A4GALT: variants seen among roughly 807,000 people sequenced by gnomAD.
A4GALT encodes lactosylceramide 4-alpha-galactosyltransferase.
For missense variants in A4GALT, 512 were observed against 486.0 expected, an observed-to-expected ratio of 1.05 and a Z score of -0.50; for synonymous variants, 257 against 220.7, an observed-to-expected ratio of 1.16 and a Z score of -1.46.
rs116846269 is a variant in A4GALT, at chr22:42,702,786, C to T, written c.-187-7155G>A. Among the ~76,000 whole-genome samples the T allele has an allele frequency of 5.1e-4, 73 of 143,522 alleles. No homozygotes were observed. In the East Asian group the frequency reaches 0.012, roughly 24 times the overall value. 94.2% of individuals were successfully genotyped at this position (143,522 alleles called of 152,430 possible). On this transcript the variant is annotated intron_variant, in intron 1 of 2. Transcript: ENST00000642412. Reference sequence around the variant, plus strand: ...CGTGCAGATAAGGTGGAACGCCCACCGGGTTCCTTCACTTGCCGAGGACGC... The same window carrying T: ...CGTGCAGATAAGGTGGAACGCCCACTGGGTTCCTTCACTTGCCGAGGACGC...
rs910752188 is a variant in A4GALT at position 42,720,837 on chromosome 22, C to CGGCG, written c.-232_-229dup. 170 of 97,792 alleles carry CGGCG rather than the reference C, an allele frequency of 1.7e-3. 3 individuals carry two copies. In the South Asian group the frequency reaches 0.034, roughly 19 times the overall value. 6.1% of individuals were successfully genotyped at this position (97,792 alleles called of 1,614,324 possible). On this transcript the variant is annotated 5_prime_UTR_variant, in exon 1 of 3. Coordinates refer to ENST00000642412, the MANE Select transcript of A4GALT (RefSeq NM_017436.7). ...CGGCGGGCGGCGGACAGCGGGGCCC[C>CGGCG]GGCGGGCGGGCGGCGCGGCGGCCGG...
At chr22:42,698,988 A>G (rs1931123436) in intron 1 of A4GALT, among the ~76,000 whole-genome samples, 2 of 152,198 alleles carry the variant, frequency 1.3e-5, no homozygotes, top group Admixed American at 6.5e-5. Context: ...AGGCATGAAT[A>G]ATCCACCCCT....
At chr22:42,701,063 C>A (rs145785009) in intron 1 of A4GALT, among the ~76,000 whole-genome samples, 1 of 152,184 alleles carries the variant, frequency 6.6e-6, no homozygotes, top group Non-Finnish European at 1.5e-5. Flanking sequence ...GGAGCCAAAT[C>A]GGGTCCCCTC....
Position 42,693,429 on chromosome 22 carries a change from A to C in A4GALT, c.523T>G (p.Ser175Ala). 2 of 1,613,322 alleles carry C rather than the reference A, an allele frequency of 1.2e-6. No homozygotes were observed. Among genetic ancestry groups the C allele is most frequent in the Non-Finnish European group, 1.7e-6 (2 of 1,179,986 alleles). Residue 175 changes from serine to alanine, a missense_variant, in exon 3 of 3, where the codon TCC (serine) becomes GCC (alanine). Physicochemically the swap from Ser to Ala is moderately conservative, Grantham distance 99 (BLOSUM62 1). Coordinates refer to ENST00000642412, the MANE Select transcript of A4GALT (RefSeq NM_017436.7). ...RWEPYLLPVL[S>A]DASRIALMWK... ...ATGAGTGCGATCCTGGAGGCGTCGGAGAGCACGGGCAGCAGGTAGGGCTCC... is the reference window on the plus strand; with the variant it reads ...ATGAGTGCGATCCTGGAGGCGTCGGCGAGCACGGGCAGCAGGTAGGGCTCC...
At chr22:42,711,992 G>T (rs964201734) in intron 1 of A4GALT, among the ~76,000 whole-genome samples, 3 of 152,142 alleles carry the variant, frequency 2.0e-5, no homozygotes, top group Non-Finnish European at 4.4e-5. Context: ...GATCAAATGT[G>T]ATAACTAATC....
At chr22:42,697,955 G>C (rs548830658) in intron 1 of A4GALT, among the ~76,000 whole-genome samples, 2 of 152,144 alleles carry the variant, frequency 1.3e-5, no homozygotes, top group Non-Finnish European at 2.9e-5. Context: ...GGAGAGAGGA[G>C]AGGTGCAGGG....
chr22:42,714,355 A>G (rs1349943927), intron 1 of A4GALT, among the ~76,000 whole-genome samples: 1 of 149,214 alleles, frequency 6.7e-6, no homozygotes, highest in Non-Finnish European at 1.5e-5. Context: ...TGGAAGGCCA[A>G]GGCGGGAGCA....
intron 1 of A4GALT, among the ~76,000 whole-genome samples, chr22:42,717,035 C>CGGGCACAGGGGAAGGTGTGT (rs1327723089): frequency 6.6e-6 from 1 of 152,022 alleles, no homozygotes. Flanking sequence ...GGTGACAGTG[C>CGGGCACAGGGGAAGGTGTGT]GGGCACAGGG....
intron 1 of A4GALT, among the ~76,000 whole-genome samples, chr22:42,706,400 G>A (rs1054240807): frequency 1.3e-5 from 2 of 148,344 alleles, no homozygotes; most frequent in Non-Finnish European, 3.0e-5. Flanking sequence ...AATCTTGAAG[G>A]AGAAAAAGAT....
intron 1 of A4GALT, among the ~76,000 whole-genome samples, chr22:42,709,677 C>G (rs1921506381): frequency 6.6e-6 from 1 of 151,994 alleles, no homozygotes; most frequent in South Asian, 2.1e-4. Context: ...GTAATCCCAG[C>G]TACTTAGGAG....
rs560516574 is a variant in A4GALT, at chr22:42,700,634, G to A, written c.-187-5003C>T. On this transcript the variant is annotated intron_variant, in intron 1 of 2. Transcript: ENST00000642412. Reference sequence around the variant, plus strand: ...GACCCCTGAGGTGTAAGACACCAGCGCCAGGGTCACACGGGTGCTCCCACT... The same window carrying A: ...GACCCCTGAGGTGTAAGACACCAGCACCAGGGTCACACGGGTGCTCCCACT... Among the ~76,000 whole-genome samples the A allele has an allele frequency of 1.3e-3, 197 of 152,290 alleles. 1 individual carries two copies. Among genetic ancestry groups the A allele is most frequent in the Middle Eastern group, 3.4e-3 (1 of 294 alleles).
chr22:42,713,827 A>AG (rs1264833892), intron 1 of A4GALT, among the ~76,000 whole-genome samples: 1 of 120,938 alleles, frequency 8.3e-6, no homozygotes, highest in African/African-American at 2.6e-5. Flanking sequence ...AAAAAAAAAA[A>AG]AAAGACAGAC....
Position 42,692,424 on chromosome 22 carries a change from C to A in A4GALT, c.*466G>T, listed in dbSNP as rs1294749426. Reference sequence around the variant, plus strand: ...AAGAGGAACCAAAACCAGAAAAGAACAAAGCATCCTCCGCCCCGGACCCTT... The same window carrying A: ...AAGAGGAACCAAAACCAGAAAAGAAAAAAGCATCCTCCGCCCCGGACCCTT... On this transcript the variant is annotated 3_prime_UTR_variant, in exon 3 of 3. Coordinates refer to ENST00000642412, the MANE Select transcript of A4GALT (RefSeq NM_017436.7). The surrounding 1 kb of genome is among the most constrained non-coding windows in gnomAD (Gnocchi z 4.6). The A allele has an allele frequency of 3.1e-6, 1 of 322,114 alleles. No homozygotes were observed. Among genetic ancestry groups the A allele is most frequent in the Non-Finnish European group, 6.1e-6 (1 of 163,380 alleles). The allele number at this position is 322,114 out of a possible 1,614,324, so 20.0% of individuals were successfully genotyped here.
intron 1 of A4GALT, among the ~76,000 whole-genome samples, chr22:42,708,545 A>AAGGAAG (rs1555887808): frequency 3.4e-5 from 4 of 116,498 alleles, no homozygotes; most frequent in Admixed American, 9.6e-5. Flanking sequence ...GAGGAAAGAG[A>AAGGAAG]GAAGGAAGGA....
In A4GALT at chr22:42,693,229, G is replaced by A; in HGVS notation, c.723C>T (p.Tyr241=). ...CCTGGTGACCCCAGATCCAGCCGTT[G>A]TAGTGGTCCACGAAGTCCCGCATGC... is the stretch of plus-strand genomic sequence containing the variant. ...ALCMRDFVDH[Y]NGWIWGHQGP... The change falls in exon 3 of 3, where the codon TAC becomes TAT. Residue 241 remains tyrosine (Y), a synonymous_variant. Coordinates refer to ENST00000642412, the MANE Select transcript of A4GALT (RefSeq NM_017436.7). 1 of 1,609,656 alleles carries A rather than the reference G, an allele frequency of 6.2e-7. No homozygotes were observed. Among genetic ancestry groups the A allele is most frequent in the Non-Finnish European group, 8.5e-7 (1 of 1,178,620 alleles).
chr22:42,708,595 G>GGAAGGAAAAT (rs1569058949), intron 1 of A4GALT, among the ~76,000 whole-genome samples: 10 of 66,278 alleles, frequency 1.5e-4, no homozygotes, highest in African/African-American at 5.7e-4. Context: ...GGAAGGAAAA[G>GGAAGGAAAAT]AAATCAATTA....
intron 1 of A4GALT, among the ~76,000 whole-genome samples, chr22:42,698,541 G>A (rs778193821): frequency 3.3e-5 from 5 of 152,194 alleles, no homozygotes; most frequent in Non-Finnish European, 7.4e-5. Context: ...AACGGAGTCC[G>A]CACTGAGCCC....
Position 42,713,829 on chromosome 22 carries a change from A to AGAC in A4GALT, c.-188+6967_-188+6968insGTC, listed in dbSNP as rs1491445246. On this transcript the variant is annotated intron_variant, in intron 1 of 2. Coordinates refer to ENST00000642412, the MANE Select transcript of A4GALT (RefSeq NM_017436.7). ...CTCTGTCAAAAAAAAAAAAAAAAAA[A>AGAC]AGACAGACAGACAGACAGACAGACA... Among the ~76,000 whole-genome samples, 618 of 126,300 alleles carry AGAC rather than the reference A, an allele frequency of 4.9e-3. 3 individuals carry two copies. Among genetic ancestry groups the AGAC allele is most frequent in the African/African-American group, 0.013 (472 of 37,428 alleles). 82.9% of individuals were successfully genotyped at this position (126,300 alleles called of 152,430 possible). A position where few individuals can be genotyped will look rare whatever the true frequency, so the allele number is the denominator to read the frequency against.
chr22:42,694,787 G>A (rs1468907653), intron 2 of A4GALT: 1 of 152,204 alleles, frequency 6.6e-6, no homozygotes, highest in Non-Finnish European at 1.5e-5. Context: ...CCCACCGACA[G>A]GATAGGACGC....
Sources: gnomAD v4.1 joint callset for allele counts (sites outside exome capture counted in the v4.1 genomes callset) on GRCh38, gnomAD v4.1.1 for gene constraint, Gnocchi (gnomAD v3.1) non-coding constraint, MANE v1.5 for transcripts, NCBI Gene and HGNC (gene_info 2026-07-23, HGNC 2026-07-21) for gene names.